Variants in MLC1 observed in about 807,000 individuals in gnomAD.
The protein encoded by MLC1 is membrane protein MLC1.
MLC1 carries 32 observed loss-of-function variants against 44.7 expected under a neutral mutation model. That is an observed-to-expected ratio of 0.72 (90% CI 0.54 to 0.96). MLC1 has a LOEUF of 0.96. Among genes scored for constraint, MLC1 ranks in the 40% least tolerant of loss-of-function variants. The pLI is 0.00. For synonymous variants in MLC1, 190 were observed against 213.0 expected, an observed-to-expected ratio of 0.89 and a Z score of 0.94; for missense variants, 459 against 492.2, an observed-to-expected ratio of 0.93 and a Z score of 0.64.
Position 50,069,923 on chromosome 22 carries a change from C to T in MLC1, c.771+604G>A, listed in dbSNP as rs576824879. Among the ~76,000 whole-genome samples the T allele has an allele frequency of 2.0e-3, 306 of 152,074 alleles. 2 individuals carry two copies. Among genetic ancestry groups the T allele is most frequent in the Non-Finnish European group, 3.6e-3 (244 of 67,960 alleles). On this transcript the variant is annotated intron_variant, in intron 9 of 11. Coordinates refer to ENST00000311597, the MANE Select transcript of MLC1 (RefSeq NM_015166.4). The stretch of plus-strand genomic sequence containing the variant: ...GCGGTCAGTTTGTGGCAGTTTCGGC[C>T]GGGCGTGGTGGCTCACACCGGTAAT...
chr22:50,067,265 C>T (rs2061721895), intron 10 of MLC1, among the ~76,000 whole-genome samples: 1 of 151,926 alleles, frequency 6.6e-6, no homozygotes, highest in Non-Finnish European at 1.5e-5. Context: ...GACGCTATCC[C>T]CCTTCAGACA....
intron 7 of MLC1, among the ~76,000 whole-genome samples, chr22:50,075,077 T>C (rs1195539151): frequency 6.6e-6 from 1 of 151,882 alleles, no homozygotes; most frequent in East Asian, 1.9e-4. Context: ...GCCCTGGTTG[T>C]GGACTCATCT....
At chr22:50,069,176 G>A (rs934686364) in intron 9 of MLC1, among the ~76,000 whole-genome samples, 1 of 151,564 alleles carries the variant, frequency 6.6e-6, no homozygotes, top group Non-Finnish European at 1.5e-5. Flanking sequence ...ACAGACATGC[G>A]CCACCACACC....
chr22:50,068,618 T>C, intron 9 of MLC1, 63 bp from the exon 10 acceptor site: 1 of 819,642 alleles, frequency 1.2e-6, no homozygotes, highest in Non-Finnish European at 1.9e-6. Flanking sequence ...ACAGCGGGCG[T>C]GGCCAGGGCT....
chr22:50,063,907 TGG>T, intron 11 of MLC1, 125 bp downstream of exon 11: 2 of 519,008 alleles, frequency 3.9e-6, no homozygotes, highest in Non-Finnish European at 5.3e-6. Flanking sequence ...CCTCCCCGGC[TGG>T]GCACCCCTGT....
chr22:50,065,214 C>T (rs181242625), intron 10 of MLC1, among the ~76,000 whole-genome samples: 37 of 152,280 alleles, frequency 2.4e-4, no homozygotes, highest in African/African-American at 7.2e-4. Flanking sequence ...CCACTACGCC[C>T]GGCCTGGATT....
chr22:50,080,134 TGG>T, intron 4 of MLC1, 115 bp from the exon 5 acceptor site: 2 of 1,002,740 alleles, frequency 2.0e-6, no homozygotes, highest in Non-Finnish European at 3.1e-6. Context: ...GACATAATGG[TGG>T]GGAGTCCTGC....
chr22:50,081,703 G>T (rs116712832), intron 3 of MLC1, among the ~76,000 whole-genome samples: 7,237 of 152,356 alleles, frequency 0.048, 589 homozygotes, highest in African/African-American at 0.16. Flanking sequence ...CTGAGCGAGG[G>T]GCAGAGCTAG....
chr22:50,068,731 T>TC (rs1181356051), intron 9 of MLC1, among the ~76,000 whole-genome samples, 176 bp from the exon 10 acceptor site: 5 of 142,830 alleles, frequency 3.5e-5, no homozygotes, highest in African/African-American at 7.7e-5. Flanking sequence ...TTTTCTTTTT[T>TC]TTTTTTTTTT....
rs536671245 is a variant in MLC1, at chr22:50,076,721, G to A, written c.597+120C>T. 6.5e-5 allele frequency: 66 copies of A among 1,018,294 alleles called. 2 individuals carry two copies. The South Asian group carries it at 7.1e-4, about 11-fold the overall frequency. The allele number at this position is 1,018,294 out of a possible 1,614,324, so 63.1% of individuals were successfully genotyped here. ...AGTCTCCACAGATGAGGCGCACGCC[G>A]CCATGCGGTGTAGACAGCCAACTCT... On this transcript the variant is annotated intron_variant, in intron 7 of 11. Coordinates refer to ENST00000311597, the MANE Select transcript of MLC1 (RefSeq NM_015166.4).
rs966826992 is a variant in MLC1 at position 50,077,015 on chromosome 22, T to C, written c.526-103A>G. On this transcript the variant is annotated intron_variant, in intron 6 of 11. Transcript: ENST00000311597. ...GGCAGTGGGTCAGGTCAGCCTGCCG[T>C]GTAGATGCGAGACCGCCTTGGAGGC... The C allele has an allele frequency of 3.2e-6, 4 of 1,262,434 alleles. No individual in the cohort carries two copies. The African/African-American group carries it at 5.9e-5, about 19-fold the overall frequency. 78.2% of individuals were successfully genotyped at this position (1,262,434 alleles called of 1,614,324 possible).
At chr22:50,069,521 C>CT (rs2061799171) in intron 9 of MLC1, among the ~76,000 whole-genome samples, 1 of 151,980 alleles carries the variant, frequency 6.6e-6, no homozygotes, top group Non-Finnish European at 1.5e-5. Context: ...TGGCGCATGC[C>CT]TGTAGTCCCA....
At chr22:50,082,851 G>A (rs759387450) in intron 3 of MLC1, among the ~76,000 whole-genome samples, 1 of 152,088 alleles carries the variant, frequency 6.6e-6, no homozygotes, top group East Asian at 1.9e-4. Flanking sequence ...TTTTAGTAGA[G>A]ATGGGGTTTG....
intron 11 of MLC1, 72 bp downstream of exon 11, chr22:50,063,938 GCTTCCCCCCACCCCACAGGCTTCT>G (rs2061641626): frequency 9.1e-7 from 1 of 1,103,758 alleles, no homozygotes; most frequent in Non-Finnish European, 1.2e-6. Flanking sequence ...CACCTCCCCA[GCTTCCCCCCACCCCACAGGCTTCT>G]CACCTCCCTG....
chr22:50,062,461 A>C (rs1333430921), intron 11 of MLC1, among the ~76,000 whole-genome samples: 2 of 152,228 alleles, frequency 1.3e-5, no homozygotes, highest in African/African-American at 4.8e-5. Context: ...CCGTCCTAGC[A>C]GGGAGACTGA....
intron 5 of MLC1, 147 bp from the exon 6 acceptor site, chr22:50,077,649 A>G (rs1022531503): frequency 1.8e-5 from 13 of 704,940 alleles, no homozygotes; most frequent in Non-Finnish European, 3.1e-5. Flanking sequence ...GCTGTGAGGC[A>G]CTGTGGGCTG....
chr22:50,077,506 C>T lies in MLC1; in HGVS notation c.424-4G>A, dbSNP rs1360556236. 3.1e-6 allele frequency: 5 copies of T among 1,612,052 alleles called. No homozygotes were observed. Among genetic ancestry groups the T allele is most frequent in the Non-Finnish European group, 4.2e-6 (5 of 1,178,960 alleles). On this transcript the variant is annotated splice_polypyrimidine_tract_variant and splice_region_variant and intron_variant, in intron 5 of 11. Coordinates refer to ENST00000311597, the MANE Select transcript of MLC1 (RefSeq NM_015166.4). ...GCAGGATGAGGTTGAAGTTGATCTG[C>T]CAAGGGGCACACACGCTTCAGCACC...
intron 9 of MLC1, among the ~76,000 whole-genome samples, chr22:50,070,325 G>T (rs1314144552): frequency 6.6e-6 from 1 of 152,238 alleles, no homozygotes; most frequent in Non-Finnish European, 1.5e-5. Flanking sequence ...GTTCAGGTCT[G>T]CCTGTCCCTG....
rs1381596821 is a variant in MLC1 at position 50,083,043 on chromosome 22, C to T, written c.267+41G>A. On this transcript the variant is annotated intron_variant, in intron 3 of 11. Coordinates refer to ENST00000311597, the MANE Select transcript of MLC1 (RefSeq NM_015166.4). The surrounding 1 kb of genome is among the most constrained non-coding windows in gnomAD (Gnocchi z 4.6). ...ACAAAGAAACCAGAGCACGTGCCGG[C>T]GAGCTTGGGCACTGGCAGAGGCGTG... is the stretch of plus-strand genomic sequence containing the variant. The T allele has an allele frequency of 2.5e-6, 4 of 1,582,074 alleles. No individual in the cohort carries two copies. Among genetic ancestry groups the T allele is most frequent in the Admixed American group, 1.7e-5 (1 of 59,940 alleles).
Sources: gnomAD v4.1 joint callset for allele counts (sites outside exome capture counted in the v4.1 genomes callset) on GRCh38, gnomAD v4.1.1 for gene constraint, Gnocchi (gnomAD v3.1) non-coding constraint, MANE v1.5 for transcripts, NCBI Gene and HGNC (gene_info 2026-07-23, HGNC 2026-07-21) for gene names.